Variants in LMNB1 observed in about 807,000 individuals in gnomAD.
LMNB1 encodes lamin B1, also known as lamin-B1.
Under a neutral mutation model 67.1 loss-of-function variants are expected in LMNB1, and 23 were observed. The ratio of observed to expected loss-of-function variants is 0.34; its 90% CI spans 0.25 to 0.49. The LOEUF is 0.49. LMNB1 is among the 20% of genes least tolerant of loss of function. The probability of loss-of-function intolerance (pLI) is 0.99; values close to 1 mark genes in which losing one functional copy is unlikely to be tolerated. For missense variants in LMNB1, 634 were observed against 746.5 expected (o/e 0.85, Z 1.76); for synonymous variants, 281 against 282.9 (o/e 0.99, Z 0.07).
At chr5:126,800,982 A>ATATATATATATTTTTTTTTTTT in intron 1 of LMNB1, among the ~76,000 whole-genome samples, 1 of 18,632 alleles carries the variant, frequency 5.4e-5, no homozygotes, top group Non-Finnish European at 1.0e-4. Flanking sequence ...TATATATATA[A>ATATATATATATTTTTTTTTTTT]TTTTTTTTTT....
At chr5:126,796,221 G>A (rs1161723212) in intron 1 of LMNB1, among the ~76,000 whole-genome samples, 2 of 152,032 alleles carry the variant, frequency 1.3e-5, no homozygotes, top group Admixed American at 6.6e-5. Flanking sequence ...GAGCTACCGT[G>A]CCCGGCCCTG....
intron 5 of LMNB1, among the ~76,000 whole-genome samples, chr5:126,814,070 T>C (rs1033610765): frequency 6.6e-6 from 1 of 152,174 alleles, no homozygotes; most frequent in African/African-American, 2.4e-5. Context: ...TAATTTTGTA[T>C]TTTTGGTAGA....
At chr5:126,776,796 T>A (rs1561728955), upstream of LMNB1, 1 of 151,870 alleles carries the variant, frequency 6.6e-6, no homozygotes, top group Admixed American at 6.6e-5. Context: ...GCCCGGCCCC[T>A]CCAAGGGGTC....
At position 126,834,316 on chromosome 5, in the gene LMNB1, C is replaced by G. The variant is rs191894108; in HGVS notation, c.1719+1515C>G. 2.2e-3 allele frequency among the ~76,000 whole-genome samples: 335 copies of G among 152,294 alleles called. 1 individual carries two copies. The highest frequency in any genetic ancestry group is 7.4e-3 in the African/African-American group (307 of 41,566). On this transcript the variant is annotated intron_variant, in intron 10 of 10. Transcript: ENST00000261366. Reference sequence around the variant, plus strand: ...CACCTCCCAGGTTCAAGAGATACCCCTGCCTCAGTCTCCCAAGTAGCTGGG... The same window carrying G: ...CACCTCCCAGGTTCAAGAGATACCCGTGCCTCAGTCTCCCAAGTAGCTGGG...
rs1264790485 is a variant in LMNB1 at position 126,819,576 on chromosome 5, C to T, written c.1160+434C>T. Among the ~76,000 whole-genome samples, 4 of 151,792 alleles carry T rather than the reference C, an allele frequency of 2.6e-5. No homozygotes were observed. In the South Asian group the frequency reaches 8.3e-4, roughly 31 times the overall value. On this transcript the variant is annotated intron_variant, in intron 6 of 10. Coordinates refer to ENST00000261366, the MANE Select transcript of LMNB1 (RefSeq NM_005573.4). ...GTGATTCTCGGCTCACTGCAACCTT[C>T]ACCTCCTGGTTTCAAGCGATTTGCC...
chr5:126,804,763 A>C lies in LMNB1; in HGVS notation c.360-13A>C. ...TATGGTTTGATGTCTTATGCTTTTT[A>C]AATCTGTTCCAGCTATGCTAAGAAG... On this transcript the variant is annotated splice_polypyrimidine_tract_variant and intron_variant, in intron 1 of 10. Coordinates refer to ENST00000261366, the MANE Select transcript of LMNB1 (RefSeq NM_005573.4). 6.2e-7 allele frequency: 1 copy of C among 1,612,068 alleles called. No individual in the cohort carries two copies. Among genetic ancestry groups the C allele is most frequent in the Non-Finnish European group, 8.5e-7 (1 of 1,178,972 alleles).
intron 5 of LMNB1, among the ~76,000 whole-genome samples, chr5:126,814,109 G>A (rs1288427432): frequency 4.6e-5 from 7 of 152,144 alleles, no homozygotes; most frequent in African/African-American, 7.2e-5. Context: ...TGGTCAGGCC[G>A]GTCTTGAACT....
rs762995819 is a variant in LMNB1 at position 126,804,960 on chromosome 5, A to G, written c.516+28A>G. 4.4e-6 allele frequency: 7 copies of G among 1,596,614 alleles called. No individual in the cohort carries two copies. The South Asian group carries it at 7.8e-5, about 18-fold the overall frequency. On this transcript the variant is annotated intron_variant, in intron 2 of 10. Coordinates refer to ENST00000261366, the MANE Select transcript of LMNB1 (RefSeq NM_005573.4). ...AAGGTCAAGCCTACTCTTGAGCCGT[A>G]TGTGACAGGTTAATTGCCTCATCTG... is the stretch of plus-strand genomic sequence containing the variant.
chr5:126,806,160 G>A (rs1398839410), intron 3 of LMNB1, among the ~76,000 whole-genome samples: 1 of 151,996 alleles, frequency 6.6e-6, no homozygotes. Flanking sequence ...TCACCATATT[G>A]GCCAGGGTGG....
intron 6 of LMNB1, 62 bp from the exon 7 acceptor site, chr5:126,820,839 GTTTTTTTTT>G (rs34618438): frequency 3.8e-6 from 4 of 1,050,132 alleles, no homozygotes; most frequent in African/African-American, 3.3e-5. Context: ...TTGTTTTTTT[GTTTTTTTTT>G]TTTTTAAGGC....
At chr5:126,815,724 C>G (rs916789591) in intron 5 of LMNB1, among the ~76,000 whole-genome samples, 1 of 152,140 alleles carries the variant, frequency 6.6e-6, no homozygotes, top group African/African-American at 2.4e-5. Flanking sequence ...TAGGTAGTTT[C>G]AATGGCAGAA....
intron 1 of LMNB1, among the ~76,000 whole-genome samples, chr5:126,797,902 C>T (rs541194776): frequency 1.2e-4 from 18 of 152,176 alleles, no homozygotes; most frequent in Non-Finnish European, 1.3e-4. Context: ...ATAGGAAAAC[C>T]CTGTCTTCCC....
chr5:126,790,395 C>G (rs1314711555), intron 1 of LMNB1, among the ~76,000 whole-genome samples: 1 of 152,224 alleles, frequency 6.6e-6, no homozygotes. Context: ...TGTAAGCCAC[C>G]ACATCTGGTC....
intron 1 of LMNB1, among the ~76,000 whole-genome samples, chr5:126,779,244 G>A (rs1419064888): frequency 1.3e-5 from 2 of 152,190 alleles, no homozygotes; most frequent in Admixed American, 1.3e-4. Flanking sequence ...GTATAGACTG[G>A]TTTGTAGCGA....
At chr5:126,796,786 C>CTTTTTTTTTTTTTTTTTTTT (rs34534973) in intron 1 of LMNB1, among the ~76,000 whole-genome samples, 1 of 118,748 alleles carries the variant, frequency 8.4e-6, no homozygotes, top group African/African-American at 3.1e-5. Context: ...TTTTTTCTTT[C>CTTTTTTTTTTTTTTTTTTTT]TTTTTTTTTT....
chr5:126,819,441 CT>C (rs1173382797), intron 6 of LMNB1, among the ~76,000 whole-genome samples: 1 of 150,758 alleles, frequency 6.6e-6, no homozygotes, highest in African/African-American at 2.4e-5. Context: ...GCCAAACTGG[CT>C]GAAAGAGACT....
chr5:126,831,015 A>G (rs1438532208), intron 9 of LMNB1, among the ~76,000 whole-genome samples: 1 of 152,340 alleles, frequency 6.6e-6, no homozygotes, highest in Non-Finnish European at 1.5e-5. Flanking sequence ...GAGAGGCTCA[A>G]AATGGTCCAT....
intron 7 of LMNB1, 67 bp downstream of exon 7, chr5:126,821,202 A>T: frequency 9.8e-7 from 1 of 1,023,014 alleles, no homozygotes; most frequent in Non-Finnish European, 1.5e-6. Flanking sequence ...TGCAATTGTC[A>T]TAGCTCCTTA....
rs561503060 is a variant in LMNB1, at chr5:126,779,646, C to T, written c.359+1779C>T. Among the ~76,000 whole-genome samples the T allele has an allele frequency of 2.6e-3, 394 of 152,306 alleles. 1 individual carries two copies. Among genetic ancestry groups the T allele is most frequent in the Non-Finnish European group, 4.3e-3 (294 of 68,018 alleles). On this transcript the variant is annotated intron_variant, in intron 1 of 10. Transcript: ENST00000261366. The stretch of plus-strand genomic sequence containing the variant: ...GGGCGTGGTGGCTCACGCCTGTAAT[C>T]CCAGCGCTTTGGGAGGCGAGGTGAG...
Sources: gnomAD v4.1 joint callset for allele counts (sites outside exome capture counted in the v4.1 genomes callset) on GRCh38, gnomAD v4.1.1 for gene constraint, MANE v1.5 for transcripts, NCBI Gene and HGNC (gene_info 2026-07-23, HGNC 2026-07-21) for gene names.